Variants in INPP5A observed in about 807,000 individuals in gnomAD.
The protein encoded by INPP5A is 43 kDa inositol polyphosphate 5-phophatase.
A neutral mutation model predicts 65.2 loss-of-function variants in INPP5A; 14 were observed. That is an observed-to-expected ratio of 0.21 (90% CI 0.14 to 0.34). The LOEUF is 0.34. Ranked by LOEUF, INPP5A falls within the 10% of genes least tolerant of loss-of-function variation. The pLI is 1.00. For synonymous variants in INPP5A, 207 were observed against 208.3 expected (o/e 0.99, Z 0.05); for missense variants, 431 against 545.6 (o/e 0.79, Z 2.09).
chr10:132,690,535 C>T, intron 5 of INPP5A, 80 bp downstream of exon 5: 1 of 1,071,240 alleles, frequency 9.3e-7, no homozygotes, highest in Non-Finnish European at 1.4e-6. Context: ...ACCTCTCCTG[C>T]CCTGTCTCTG....
intron 13 of INPP5A, among the ~76,000 whole-genome samples, chr10:132,779,480 CCCA>C (rs1395391045): frequency 6.6e-6 from 1 of 152,274 alleles, no homozygotes; most frequent in Non-Finnish European, 1.5e-5. Flanking sequence ...CTGTGGCCTC[CCCA>C]CATTGTGCTG....
chr10:132,680,696 C>A (rs2073030982), intron 4 of INPP5A, among the ~76,000 whole-genome samples: 1 of 152,260 alleles, frequency 6.6e-6, no homozygotes, highest in Non-Finnish European at 1.5e-5. Flanking sequence ...CTGCGCGTGG[C>A]GCTTGCGGGC....
chr10:132,580,031 G>T (rs1201415582), intron 1 of INPP5A, among the ~76,000 whole-genome samples: 2 of 151,818 alleles, frequency 1.3e-5, no homozygotes, highest in African/African-American at 4.8e-5. Flanking sequence ...CCCACTGCTG[G>T]CAGGGGCTTT....
chr10:132,559,233 C>T (rs1003777153), intron 1 of INPP5A, among the ~76,000 whole-genome samples: 2 of 152,244 alleles, frequency 1.3e-5, no homozygotes, highest in African/African-American at 4.8e-5. Flanking sequence ...GGGCCAGCTC[C>T]ATCCCCTCTC....
At chr10:132,737,662 C>T (rs1846201824) in intron 9 of INPP5A, among the ~76,000 whole-genome samples, 1 of 152,214 alleles carries the variant, frequency 6.6e-6, no homozygotes. Context: ...GAGGTCAGGG[C>T]GGTGAGGGCC....
At chr10:132,560,196 G>C (rs1404422558) in intron 1 of INPP5A, among the ~76,000 whole-genome samples, 1 of 151,980 alleles carries the variant, frequency 6.6e-6, no homozygotes, top group Non-Finnish European at 1.5e-5. Context: ...TGGAGTTGCT[G>C]TGTGAACCTG....
At chr10:132,568,189 CAAAA>C (rs56217302) in intron 1 of INPP5A, among the ~76,000 whole-genome samples, 27 of 61,956 alleles carry the variant, frequency 4.4e-4, no homozygotes, top group Non-Finnish European at 8.1e-4. Flanking sequence ...GACTCCGTCT[CAAAA>C]AAAAAAAAAA....
At chr10:132,749,659 G>A (rs770517998) in intron 10 of INPP5A, 47 bp downstream of exon 10, 22 of 1,601,516 alleles carry the variant, frequency 1.4e-5, no homozygotes, top group Non-Finnish European at 1.8e-5. Context: ...GGCCTGCGCA[G>A]GACTCTGCAG....
At chr10:132,609,874 T>C (rs117228333) in intron 2 of INPP5A, among the ~76,000 whole-genome samples, 8,504 of 152,268 alleles carry the variant, frequency 0.056, 370 homozygotes, top group South Asian at 0.12. Context: ...TGAACTGACC[T>C]CAGCTGATCT....
chr10:132,747,007 T>G (rs1846381881), intron 9 of INPP5A, among the ~76,000 whole-genome samples: 1 of 152,186 alleles, frequency 6.6e-6, no homozygotes, highest in Non-Finnish European at 1.5e-5. Flanking sequence ...CCATCAGATG[T>G]TTGTCCTTTG....
At chr10:132,673,348 G>A (rs1430846288) in intron 4 of INPP5A, among the ~76,000 whole-genome samples, 1 of 152,148 alleles carries the variant, frequency 6.6e-6, no homozygotes. Context: ...GATGGTGAGT[G>A]GTGCCACTTC....
intron 12 of INPP5A, among the ~76,000 whole-genome samples, chr10:132,773,953 G>A (rs1314257840): frequency 6.6e-6 from 1 of 152,142 alleles, no homozygotes; most frequent in Admixed American, 6.5e-5. Context: ...TAGAGACAGG[G>A]GTCTTACTAT....
At chr10:132,716,323 T>A (rs781531644) in intron 8 of INPP5A, among the ~76,000 whole-genome samples, 7 of 152,208 alleles carry the variant, frequency 4.6e-5, no homozygotes, top group Non-Finnish European at 8.8e-5. Context: ...CAGGCACGGA[T>A]GTTTCTGTAC....
At chr10:132,740,655 C>T (rs1198291625) in intron 9 of INPP5A, among the ~76,000 whole-genome samples, 1 of 152,180 alleles carries the variant, frequency 6.6e-6, no homozygotes, top group East Asian at 1.9e-4. Context: ...CCTTTCATCC[C>T]TGCTGCTAGA....
chr10:132,764,122 G>A (rs1846787530), intron 11 of INPP5A, among the ~76,000 whole-genome samples: 1 of 152,286 alleles, frequency 6.6e-6, no homozygotes, highest in African/African-American at 2.4e-5. Flanking sequence ...GTGAACGCCT[G>A]TGCTCCAGGC....
In INPP5A at chr10:132,650,637, G is replaced by A. The variant is rs1302344187; in HGVS notation, c.306+132G>A. ...AGCCTCACTCACGCTGCCCTGCCTG[G>A]CACTCCCGCAGCCTGCTTGGTGGTC... On this transcript the variant is annotated intron_variant, in intron 4 of 15. Coordinates refer to ENST00000368594, the MANE Select transcript of INPP5A (RefSeq NM_005539.5). The surrounding 1 kb of genome is among the most constrained non-coding windows in gnomAD (Gnocchi z 5.5). 8 of 672,126 alleles carry A rather than the reference G, an allele frequency of 1.2e-5. No individual in the cohort carries two copies. Among genetic ancestry groups the A allele is most frequent in the Admixed American group, 6.6e-5 (3 of 45,712 alleles). 41.6% of individuals were successfully genotyped at this position (672,126 alleles called of 1,614,324 possible).
intron 8 of INPP5A, among the ~76,000 whole-genome samples, chr10:132,726,598 C>A (rs780970941): frequency 1.3e-5 from 2 of 152,164 alleles, no homozygotes; most frequent in Non-Finnish European, 2.9e-5. Flanking sequence ...GCAACAGATG[C>A]GTGTCCGTGT....
In INPP5A at chr10:132,680,585, C is replaced by T. The variant is rs529850914; in HGVS notation, c.307-9807C>T. On this transcript the variant is annotated intron_variant, in intron 4 of 15. Transcript: ENST00000368594. ...GCACTGGAGGAGCCCTTCAGCCCAC[C>T]GCTGCACTGTGGGAGCCCCTTTCTG... 5.9e-4 allele frequency among the ~76,000 whole-genome samples: 90 copies of T among 152,266 alleles called. 1 individual carries two copies. The highest frequency in any genetic ancestry group is 1.1e-3 in the Non-Finnish European group (74 of 68,042).
intron 7 of INPP5A, among the ~76,000 whole-genome samples, chr10:132,708,857 C>T (rs1845585657): frequency 6.6e-6 from 1 of 152,230 alleles, no homozygotes; most frequent in Non-Finnish European, 1.5e-5. Context: ...ACCTTTTCTG[C>T]ATCATAAGAA....
Sources: allele counts gnomAD v4.1 joint callset (sites outside exome capture counted in the v4.1 genomes callset), GRCh38; gene constraint gnomAD v4.1.1; non-coding constraint Gnocchi (gnomAD v3.1); transcripts MANE v1.5; gene names NCBI Gene and HGNC (gene_info 2026-07-23, HGNC 2026-07-21).